SPATA22: variants seen among roughly 807,000 people sequenced by gnomAD.
SPATA22 encodes spermatogenesis associated 22, also known as spermatogenesis-associated protein 22.
SPATA22 carries 29 observed loss-of-function variants against 47.8 expected under a neutral mutation model. The observed-to-expected ratio is 0.61, with a 90% CI of 0.45 to 0.83. The LOEUF (loss-of-function observed/expected upper bound fraction) is 0.83. Among genes scored for constraint, SPATA22 ranks in the 40% least tolerant of loss-of-function variants. SPATA22 has a pLI of 0.00. For missense variants in SPATA22, 410 were observed against 421.7 expected, an observed-to-expected ratio of 0.97 and a Z score of 0.24; for synonymous variants, 133 against 140.9, an observed-to-expected ratio of 0.94 and a Z score of 0.40.
At chr17:3,497,148 T>C (rs1054050309) in intron 1 of SPATA22, among the ~76,000 whole-genome samples, 4 of 151,756 alleles carry the variant, frequency 2.6e-5, no homozygotes, top group African/African-American at 4.8e-5. Flanking sequence ...AGGGAATCAA[T>C]TGAGTTCACC....
intron 1 of SPATA22, among the ~76,000 whole-genome samples, chr17:3,505,289 GA>G (rs1436761137): frequency 6.6e-6 from 1 of 152,224 alleles, no homozygotes; most frequent in African/African-American, 2.4e-5. Flanking sequence ...GTCTGTCTCT[GA>G]TTAAACTGCA....
intron 1 of SPATA22, among the ~76,000 whole-genome samples, chr17:3,505,363 G>A (rs940808698): frequency 9.9e-5 from 15 of 152,228 alleles, no homozygotes; most frequent in Non-Finnish European, 1.0e-4. Flanking sequence ...AGCACTTCAC[G>A]CATAGAAGGA....
chr17:3,446,589 A>G lies in SPATA22; in HGVS notation c.685T>C (p.Tyr229His). Reference protein sequence around the residue: ...EDNTLKETSLYQLQFKEKASS... With the variant: ...EDNTLKETSLHQLQFKEKASS... ...GCTTTTTCCTTAAACTGTAACTGAT[A>G]CAATGAGGTTTCCTTTTGAAAAAAT... The change falls in exon 7 of 9, where the codon TAT (tyrosine) becomes CAT (histidine). Residue 229 changes from tyrosine to histidine, a missense_variant. Tyr to His is a moderately conservative substitution (Grantham distance 83). Transcript: ENST00000572969. 1 of 1,556,616 alleles carries G rather than the reference A, an allele frequency of 6.4e-7. No homozygotes were observed. The highest frequency in any genetic ancestry group is 8.7e-7 in the Non-Finnish European group (1 of 1,149,052).
intron 1 of SPATA22, among the ~76,000 whole-genome samples, chr17:3,507,782 T>C (rs1164652204): frequency 6.6e-6 from 1 of 152,208 alleles, no homozygotes; most frequent in Non-Finnish European, 1.5e-5. Flanking sequence ...TCTCAAAGGC[T>C]GAACGCATTG....
chr17:3,477,903 C>G (rs2073555225), intron 1 of SPATA22, among the ~76,000 whole-genome samples: 1 of 151,956 alleles, frequency 6.6e-6, no homozygotes, highest in Non-Finnish European at 1.5e-5. Flanking sequence ...AGATACATGG[C>G]CGGGCACAGT....
intron 1 of SPATA22, among the ~76,000 whole-genome samples, chr17:3,503,634 T>A (rs992404445): frequency 3.3e-5 from 5 of 152,222 alleles, no homozygotes; most frequent in Non-Finnish European, 7.3e-5. Flanking sequence ...TCAGGGTTGA[T>A]TATTCCTATC....
chr17:3,456,228 A>G (rs2072992504), intron 5 of SPATA22, among the ~76,000 whole-genome samples: 1 of 151,954 alleles, frequency 6.6e-6, no homozygotes, highest in Admixed American at 6.6e-5. Flanking sequence ...AGAGACACAA[A>G]AAACCCTTCA....
chr17:3,448,581 G>C (rs1277612692), intron 6 of SPATA22, among the ~76,000 whole-genome samples: 1 of 152,136 alleles, frequency 6.6e-6, no homozygotes, highest in African/African-American at 2.4e-5. Flanking sequence ...GAATCCAGCA[G>C]AAAACTCTAA....
At chr17:3,480,460 A>C (rs1214106887) in intron 1 of SPATA22, among the ~76,000 whole-genome samples, 1 of 152,164 alleles carries the variant, frequency 6.6e-6, no homozygotes, top group African/African-American at 2.4e-5. Flanking sequence ...TCTTGCGCTG[A>C]ATCAGTTCCT....
chr17:3,464,309 T>A (rs1171597303), intron 3 of SPATA22, among the ~76,000 whole-genome samples: 11 of 151,218 alleles, frequency 7.3e-5, no homozygotes, highest in Admixed American at 2.6e-4. Context: ...TGGAGTGCAG[T>A]GGCGTGATCT....
intron 1 of SPATA22, chr17:3,503,240 A>G (rs1015446582): frequency 6.6e-6 from 1 of 152,184 alleles, no homozygotes; most frequent in African/African-American, 2.4e-5. Flanking sequence ...TAAATATTAT[A>G]TATTTATACA....
At chr17:3,459,989 C>T (rs139297844) in intron 5 of SPATA22, among the ~76,000 whole-genome samples, 11 of 152,172 alleles carry the variant, frequency 7.2e-5, no homozygotes, top group African/African-American at 2.6e-4. Context: ...ATCTGTGTAA[C>T]AAGAATGGTT....
chr17:3,466,577 G>A (rs975416604), intron 3 of SPATA22, among the ~76,000 whole-genome samples: 11 of 152,276 alleles, frequency 7.2e-5, no homozygotes, highest in Admixed American at 2.6e-4. Flanking sequence ...TCACAGGAAG[G>A]GCAACTTAGC....
intron 5 of SPATA22, among the ~76,000 whole-genome samples, chr17:3,455,361 GTCCTTGCCC>G (rs2072963005): frequency 6.6e-6 from 1 of 151,646 alleles, no homozygotes; most frequent in Admixed American, 6.6e-5. Flanking sequence ...TAGACATGAA[GTCCTTGCCC>G]ATGCCTATGT....
rs768398191 is a variant in SPATA22, at chr17:3,440,283, T to C, written c.956A>G (p.Tyr319Cys). Reference sequence around the variant, plus strand: ...TTGGAAAATGTTCTTTTTCTGGTCATAGTTGCCAACACATCTATGAACTCG... The same window carrying C: ...TTGGAAAATGTTCTTTTTCTGGTCACAGTTGCCAACACATCTATGAACTCG... Reference protein sequence around the residue: ...RGRVHRCVGNYDQKKNIFQCV... With the variant: ...RGRVHRCVGNCDQKKNIFQCV... Residue 319 changes from tyrosine to cysteine, a missense_variant, in exon 9 of 9, where the codon TAT becomes TGT. Physicochemically the swap from Tyr to Cys is radical, Grantham distance 194. Transcript: ENST00000572969. 1.2e-5 allele frequency: 20 copies of C among 1,610,182 alleles called. No homozygotes were observed. Among genetic ancestry groups the C allele is most frequent in the African/African-American group, 2.7e-5 (2 of 74,814 alleles).
intron 6 of SPATA22, 51 bp from the exon 7 acceptor site, chr17:3,446,652 T>C (rs1459080595): frequency 7.4e-7 from 1 of 1,357,688 alleles, no homozygotes; most frequent in Admixed American, 2.8e-5. Context: ...GTTTTTTTCA[T>C]CATACTCGTT....
intron 1 of SPATA22, chr17:3,500,767 G>A (rs954473700): frequency 2.0e-5 from 3 of 151,910 alleles, no homozygotes; most frequent in Non-Finnish European, 4.4e-5. Context: ...GCCTCCCAAA[G>A]TGCTGGGATT....
Position 3,485,026 on chromosome 17 carries a change from TG to T in SPATA22, c.-73-15629del, listed in dbSNP as rs745614157. ...CATCATTCACAGTAGGGTTTTGTTTTGTTTTTTTTCTGGAAAAGGGTCTCAC... is the reference window on the plus strand; with the variant it reads ...CATCATTCACAGTAGGGTTTTGTTTTTTTTTTTTCTGGAAAAGGGTCTCAC... On this transcript the variant is annotated intron_variant, in intron 1 of 8. Coordinates refer to the SPATA22 transcript ENST00000541913. The surrounding 1 kb of genome is among the most constrained non-coding windows in gnomAD (Gnocchi z 4.4). 9.2e-5 allele frequency among the ~76,000 whole-genome samples: 14 copies of T among 151,910 alleles called. No individual in the cohort carries two copies. Among genetic ancestry groups the T allele is most frequent in the East Asian group, 3.9e-4 (2 of 5,174 alleles).
At chr17:3,484,407 A>G (rs140962482) in intron 1 of SPATA22, among the ~76,000 whole-genome samples, 10 of 152,316 alleles carry the variant, frequency 6.6e-5, no homozygotes, top group African/African-American at 2.4e-4. Context: ...TAAATGCTAA[A>G]TAGGGGCAAT....
Sources: allele counts gnomAD v4.1 joint callset (sites outside exome capture counted in the v4.1 genomes callset), GRCh38; gene constraint gnomAD v4.1.1; non-coding constraint Gnocchi (gnomAD v3.1); transcripts MANE v1.5; gene names NCBI Gene and HGNC (gene_info 2026-07-23, HGNC 2026-07-21).